Variants in TP63 observed in about 807,000 individuals in gnomAD.
TP63 encodes tumor protein 63.
A neutral mutation model predicts 82.8 loss-of-function variants in TP63; 17 were observed. The ratio of observed to expected loss-of-function variants is 0.21; its 90% confidence interval spans 0.14 to 0.31. The LOEUF (loss-of-function observed/expected upper bound fraction) is 0.31, where lower values mean the gene tolerates loss of function less well. Among genes scored for constraint, TP63 ranks in the 10% least tolerant of loss-of-function variants. The pLI is 1.00. For synonymous variants in TP63, 330 were observed against 321.7 expected (o/e 1.03, Z -0.28); for missense variants, 648 against 895.3 (o/e 0.72, Z 3.52).
intron 3 of TP63, among the ~76,000 whole-genome samples, chr3:189,775,216 G>A (rs146867311): frequency 0.034 from 2,029 of 59,204 alleles, 56 homozygotes; most frequent in African/African-American, 0.13. Flanking sequence ...GTAAAACTCT[G>A]TCTCAAAAAA....
intron 1 of TP63, among the ~76,000 whole-genome samples, chr3:189,710,945 C>T (rs1243027410): frequency 6.6e-6 from 1 of 152,192 alleles, no homozygotes; most frequent in Admixed American, 6.5e-5. Context: ...TAACAGCACA[C>T]TCATCAAACT....
intron 3 of TP63, among the ~76,000 whole-genome samples, chr3:189,748,504 AC>A: frequency 6.9e-6 from 1 of 144,282 alleles, no homozygotes; most frequent in Non-Finnish European, 1.5e-5. Flanking sequence ...TACAAGGAAA[AC>A]TACAAAAAAA....
intron 3 of TP63, among the ~76,000 whole-genome samples, chr3:189,807,376 G>A (rs1404658500): frequency 6.6e-6 from 1 of 152,194 alleles, no homozygotes; most frequent in African/African-American, 2.4e-5. Flanking sequence ...TAGAGTAAAT[G>A]AGGCAAAATT....
In TP63 at chr3:189,751,432, A is replaced by G. The variant is rs993582213; in HGVS notation, c.324+12658A>G. ...AATGGTTGAACTAATTTACACTCCT[A>G]CCAACAGTGTGATAGCATTCCTATT... On this transcript the variant is annotated intron_variant, in intron 3 of 13. Transcript: ENST00000264731. Among the ~76,000 whole-genome samples the G allele has an allele frequency of 3.8e-4, 58 of 152,152 alleles. 1 individual carries two copies. Among genetic ancestry groups the G allele is most frequent in the Non-Finnish European group, 1.6e-4 (11 of 68,040 alleles).
At chr3:189,879,630 C>T (rs566559098) in intron 10 of TP63, among the ~76,000 whole-genome samples, 1 of 152,160 alleles carries the variant, frequency 6.6e-6, no homozygotes, top group African/African-American at 2.4e-5. Context: ...GTTTCTTCTT[C>T]TTCATTCCTT....
chr3:189,867,851 A>G lies in TP63; in HGVS notation c.901A>G (p.Thr301Ala). The change falls in exon 7 of 14, where the codon ACA (threonine) becomes GCA (alanine). Residue 301 changes from threonine (T) to alanine (A), a missense_variant. By Grantham distance (58) the Thr-to-Ala change is moderately conservative. Coordinates refer to ENST00000264731, the MANE Select transcript of TP63 (RefSeq NM_003722.5). ...TTTTCAGGTTGGCACTGAATTCACG[A>G]CAGTCTTGTACAATTTCATGTGTAA... is the stretch of plus-strand genomic sequence containing the variant. The part of the protein sequence containing the change: ...EPPQVGTEFT[T>A]VLYNFMCNSS... The G allele has an allele frequency of 6.2e-7, 1 of 1,614,100 alleles. No individual in the cohort carries two copies. Among genetic ancestry groups the G allele is most frequent in the Non-Finnish European group, 8.5e-7 (1 of 1,179,968 alleles).
In TP63 at chr3:189,679,325, A is replaced by G. The variant is rs531068682; in HGVS notation, c.62+47748A>G. Among the ~76,000 whole-genome samples the G allele has an allele frequency of 2.6e-5, 4 of 152,050 alleles. No homozygotes were observed. In the South Asian group the frequency reaches 8.3e-4, roughly 32 times the overall value. Reference sequence around the variant, plus strand: ...TTGTATTTTTTATAATAGCTATTCTATCAGCTGTGAGGTGACATCTTACAA... The same window carrying G: ...TTGTATTTTTTATAATAGCTATTCTGTCAGCTGTGAGGTGACATCTTACAA... On this transcript the variant is annotated intron_variant, in intron 1 of 13. Coordinates refer to ENST00000264731, the MANE Select transcript of TP63 (RefSeq NM_003722.5).
chr3:189,654,566 G>T (rs918110548), intron 1 of TP63, among the ~76,000 whole-genome samples: 1 of 152,114 alleles, frequency 6.6e-6, no homozygotes, highest in Non-Finnish European at 1.5e-5. Flanking sequence ...GAATCTTTGT[G>T]GTAGAGATGT....
intron 1 of TP63, among the ~76,000 whole-genome samples, chr3:189,736,567 G>C (rs1720609642): frequency 6.6e-6 from 1 of 152,046 alleles, no homozygotes; most frequent in African/African-American, 2.4e-5. Flanking sequence ...TTGTTTTCCT[G>C]TCTTTCCTTC....
At chr3:189,888,794 A>G (rs1720720912) in intron 11 of TP63, among the ~76,000 whole-genome samples, 1 of 152,250 alleles carries the variant, frequency 6.6e-6, no homozygotes, top group African/African-American at 2.4e-5. Context: ...ATCATCATTT[A>G]TTAGGCACGT....
At chr3:189,780,438 T>G (rs903405641) in intron 3 of TP63, among the ~76,000 whole-genome samples, 1 of 152,214 alleles carries the variant, frequency 6.6e-6, no homozygotes, top group Admixed American at 6.5e-5. Context: ...TCAAAATATT[T>G]TCTTGCACTC....
At chr3:189,872,625 A>G (rs1156332950) in intron 9 of TP63, among the ~76,000 whole-genome samples, 1 of 152,190 alleles carries the variant, frequency 6.6e-6, no homozygotes, top group Non-Finnish European at 1.5e-5. Flanking sequence ...ATGACAGAGC[A>G]TCTCCTTGTT....
At chr3:189,682,552 AAATATATATATATATATATATATATAT>A (rs1228945377) in intron 1 of TP63, among the ~76,000 whole-genome samples, 5 of 24,046 alleles carry the variant, frequency 2.1e-4, no homozygotes, top group African/African-American at 1.1e-3. Flanking sequence ...AAAAAAAAAA[AAATATATATATATATATATATATATAT>A]ATATATATAT....
chr3:189,715,138 C>G (rs1036634115), intron 1 of TP63, among the ~76,000 whole-genome samples: 2 of 152,080 alleles, frequency 1.3e-5, no homozygotes, highest in Admixed American at 6.6e-5. Context: ...TTCTCCTCTC[C>G]TCTCTTTATC....
intron 4 of TP63, among the ~76,000 whole-genome samples, chr3:189,836,690 T>C (rs1020098613): frequency 3.9e-5 from 6 of 152,154 alleles, no homozygotes; most frequent in Admixed American, 3.9e-4. Flanking sequence ...TCAGTGCTCC[T>C]AGACATTTTC....
chr3:189,699,531 A>G (rs969505776), intron 1 of TP63, among the ~76,000 whole-genome samples: 1 of 152,212 alleles, frequency 6.6e-6, no homozygotes, highest in Non-Finnish European at 1.5e-5. Context: ...CCATCAGCCC[A>G]TCATCCAGTT....
chr3:189,835,299 A>G (rs1423503606), intron 4 of TP63, among the ~76,000 whole-genome samples: 8 of 152,242 alleles, frequency 5.3e-5, no homozygotes, highest in Non-Finnish European at 1.2e-4. Flanking sequence ...TGGGGAGAGA[A>G]TAAATTATAG....
At chr3:189,669,021 CAA>C (rs5855269) in intron 1 of TP63, among the ~76,000 whole-genome samples, 2 of 149,364 alleles carry the variant, frequency 1.3e-5, no homozygotes, top group Non-Finnish European at 3.0e-5. Flanking sequence ...TGAAAGAAAC[CAA>C]AAAAAAAACC....
chr3:189,688,638 A>C (rs1716637959), intron 1 of TP63, among the ~76,000 whole-genome samples: 2 of 152,198 alleles, frequency 1.3e-5, no homozygotes. Context: ...GCAGGGGTTT[A>C]TGGCCAGAAA....
Sources: allele counts gnomAD v4.1 joint callset (sites outside exome capture counted in the v4.1 genomes callset), GRCh38; gene constraint gnomAD v4.1.1; transcripts MANE v1.5; gene names NCBI Gene and HGNC (gene_info 2026-07-23, HGNC 2026-07-21).